Variants in MYO15A observed in about 807,000 individuals in gnomAD.
The protein encoded by MYO15A is myosin XVA.
In MYO15A, 308 loss-of-function variants were observed where a neutral mutation model predicts 394.6. The ratio of observed to expected loss-of-function variants is 0.78; its 90% CI spans 0.71 to 0.86. The LOEUF is 0.86. Among genes scored for constraint, MYO15A ranks in the 40% least tolerant of loss-of-function variants. The pLI, the probability that MYO15A is intolerant of heterozygous loss-of-function variation, is 0.00. For synonymous variants in MYO15A, 1,957 were observed against 2,003.8 expected (o/e 0.98, Z 0.62); for missense variants, 4,606 against 4,799.1 (o/e 0.96, Z 1.19).
Position 18,131,347 on chromosome 17 carries a change from G to GT in MYO15A, c.4142+7dup. On this transcript the variant is annotated splice_donor_region_variant and intron_variant, in intron 9 of 65. Coordinates refer to ENST00000647165, the MANE Select transcript of MYO15A (RefSeq NM_016239.4). ...TGTGGAAATCTTTCTGGAAGGGTGA[G>GT]TTGGGACAGTGGAGGGCCTCCCAAA... 1 of 1,614,044 alleles carries GT rather than the reference G, an allele frequency of 6.2e-7. No individual in the cohort carries two copies. The highest frequency in any genetic ancestry group is 1.1e-5 in the South Asian group (1 of 91,090).
chr17:18,131,195 C>A, intron 8 of MYO15A, 44 bp from the exon 9 acceptor site: 4 of 1,547,572 alleles, frequency 2.6e-6, no homozygotes, highest in Non-Finnish European at 2.7e-6. Context: ...GCCCCCAGAA[C>A]AGTGCCTAGC....
chr17:18,154,317 G>A, intron 44 of MYO15A, 127 bp downstream of exon 44: 1 of 1,131,546 alleles, frequency 8.8e-7, no homozygotes, highest in Non-Finnish European at 1.3e-6. Flanking sequence ...GTGAGGATGG[G>A]CAGCTGTTTT....
At position 18,120,474 on chromosome 17, in the gene MYO15A, C is replaced by A; in HGVS notation, c.1674C>A (p.Gly558=). The A allele has an allele frequency of 6.3e-7, 1 of 1,575,298 alleles. No individual in the cohort carries two copies. Among genetic ancestry groups the A allele is most frequent in the Non-Finnish European group, 8.6e-7 (1 of 1,164,296 alleles). The part of the protein sequence containing the change: ...AFGAHRGLGF[G]PEFGRPVPRP... ...GCGCCCACCGGGGCCTGGGCTTCGG[C>A]CCTGAGTTTGGCCGCCCCGTGCCTC... The change falls in exon 2 of 66, where the codon GGC becomes GGA. Residue 558 remains glycine (G), a synonymous_variant. Transcript: ENST00000647165.
At chr17:18,115,925 C>T (rs2045778010) in intron 1 of MYO15A, among the ~76,000 whole-genome samples, 2 of 152,236 alleles carry the variant, frequency 1.3e-5, no homozygotes, top group South Asian at 4.1e-4. Context: ...CCTTCCACGG[C>T]ACTTACGCCC....
intron 42 of MYO15A, 40 bp downstream of exon 42, chr17:18,152,224 T>C: frequency 6.5e-7 from 1 of 1,534,754 alleles, no homozygotes; most frequent in South Asian, 1.2e-5. Flanking sequence ...GGTGTCCAAG[T>C]ATATGAGGAA....
In MYO15A at chr17:18,148,180, A is replaced by C; in HGVS notation, c.6661A>C (p.Ser2221Arg). The C allele has an allele frequency of 1.2e-6, 2 of 1,613,794 alleles. No individual in the cohort carries two copies. Among genetic ancestry groups the C allele is most frequent in the Middle Eastern group, 1.6e-4 (1 of 6,062 alleles). ...GTGGACAGCGACCTATGAGAAGGCCAGCATGGCGCTGGACGTGGGCTGCTT... is the reference window on the plus strand; with the variant it reads ...GTGGACAGCGACCTATGAGAAGGCCCGCATGGCGCTGGACGTGGGCTGCTT... ...LEWTATYEKA[S>R]MALDVGCFNG... The change falls in exon 31 of 66, where the codon AGC (serine) becomes CGC (arginine). Residue 2221 changes from serine to arginine, a missense_variant. Coordinates refer to ENST00000647165, the MANE Select transcript of MYO15A (RefSeq NM_016239.4). The surrounding 1 kb of genome is among the most constrained non-coding windows in gnomAD (Gnocchi z 4.8).
intron 56 of MYO15A, chr17:18,161,015 G>C: frequency 2.0e-6 from 1 of 498,242 alleles, no homozygotes; most frequent in Non-Finnish European, 3.7e-6. Context: ...TTTCCCAGAA[G>C]CCTCCCTAGA....
In MYO15A at chr17:18,153,750, ACTCCCTGATCCCCGCGCT is replaced by A; in HGVS notation, c.7967-20_7967-3del. The A allele has an allele frequency of 6.2e-7, 1 of 1,612,202 alleles. No homozygotes were observed. The highest frequency in any genetic ancestry group is 8.5e-7 in the Non-Finnish European group (1 of 1,179,630). ...TAAAAAAACGAGGTGCCTTCTCCTGACTCCCTGATCCCCGCGCTCTCCAGCTCTGCCCTCGCGATCGCT... is the reference window on the plus strand; with the variant it reads ...TAAAAAAACGAGGTGCCTTCTCCTGACTCCAGCTCTGCCCTCGCGATCGCT... On this transcript the variant is annotated splice_region_variant and splice_polypyrimidine_tract_variant and intron_variant, in intron 42 of 65. Coordinates refer to ENST00000647165, the MANE Select transcript of MYO15A (RefSeq NM_016239.4). This position sits in a 1 kb window ranked among gnomAD's most constrained non-coding sequence, Gnocchi z 4.1.
At chr17:18,161,142 A>C (rs1432025175) in intron 56 of MYO15A, 175 bp from the exon 57 acceptor site, 1 of 1,033,170 alleles carries the variant, frequency 9.7e-7, no homozygotes, top group Non-Finnish European at 1.5e-6. Context: ...CCCTATCCCC[A>C]ATCCTGACTT....
chr17:18,141,130 G>A lies in MYO15A; in HGVS notation c.5518G>A (p.Gly1840Arg). The change falls in exon 22 of 66, where the codon GGG becomes AGG. Residue 1840 changes from glycine to arginine, a missense_variant. Physicochemically the swap from Gly to Arg is moderately radical, Grantham distance 125. Around this residue, in one of 2 missense-constraint regions of MYO15A, gnomAD observed 2,776 missense variants for 3,109.3 expected, o/e 0.89. Transcript: ENST00000647165. ...ATTTCCAGTGCGCCTGCCTTTCCAGGGGTTCATCGACAGGTATCTTGGTTA... is the reference window on the plus strand; with the variant it reads ...ATTTCCAGTGCGCCTGCCTTTCCAGAGGTTCATCGACAGGTATCTTGGTTA... Reference protein sequence around the residue: ...EGFPVRLPFQGFIDRYCCLVA... With the variant: ...EGFPVRLPFQRFIDRYCCLVA... 1 of 1,613,742 alleles carries A rather than the reference G, an allele frequency of 6.2e-7. No individual in the cohort carries two copies. Among genetic ancestry groups the A allele is most frequent in the Non-Finnish European group, 8.5e-7 (1 of 1,180,026 alleles).
chr17:18,130,903 C>T (rs1450654403), intron 8 of MYO15A, 93 bp downstream of exon 8: 2 of 1,343,340 alleles, frequency 1.5e-6, no homozygotes, highest in East Asian at 2.4e-5. Context: ...GATGTGCCTG[C>T]TCCTGTGTGG....
chr17:18,115,670 C>T (rs772698896), intron 1 of MYO15A, among the ~76,000 whole-genome samples: 1 of 152,180 alleles, frequency 6.6e-6, no homozygotes, highest in Non-Finnish European at 1.5e-5. Flanking sequence ...AAACCCTCCT[C>T]CCACGGCTCC....
chr17:18,136,272 G>A, intron 13 of MYO15A, 145 bp from the exon 14 acceptor site: 1 of 976,550 alleles, frequency 1.0e-6, no homozygotes, highest in Non-Finnish European at 1.6e-6. Context: ...TGGGGGCAGG[G>A]GTGGTCCTGC....
At chr17:18,125,521 CCT>C in intron 4 of MYO15A, 1 of 407,204 alleles carries the variant, frequency 2.5e-6, no homozygotes, top group South Asian at 2.4e-5. Flanking sequence ...GGTGAAACCC[CCT>C]CTCTACTAAA....
Position 18,171,745 on chromosome 17 carries a change from C to T in MYO15A, c.10190C>T (p.Pro3397Leu). 6.2e-7 allele frequency: 1 copy of T among 1,611,454 alleles called. No individual in the cohort carries two copies. Among genetic ancestry groups the T allele is most frequent in the Non-Finnish European group, 8.5e-7 (1 of 1,179,924 alleles). ...QHRQQTQALS[P>L]HQARAQFLGL... ...CGGCAGCAGACACAGGCGCTCAGCC[C>T]CCACCAGGCCCGTGCCCAGTTTCTG... Residue 3397 changes from proline to leucine, a missense_variant, in exon 63 of 66, where the codon CCC becomes CTC. Physicochemically the swap from Pro to Leu is moderately conservative, Grantham distance 98. This residue lies in a region of MYO15A where 2,776 missense variants were observed against 3,109.3 expected (regional missense o/e 0.89). Transcript: ENST00000647165.
chr17:18,137,207 G>T (rs777725507), intron 15 of MYO15A, among the ~76,000 whole-genome samples: 3 of 152,250 alleles, frequency 2.0e-5, no homozygotes, highest in African/African-American at 7.2e-5. Flanking sequence ...TATGTGCCAG[G>T]TGCTGTTTAA....
chr17:18,138,713 C>T (rs2046324122), intron 17 of MYO15A, 98 bp from the exon 18 acceptor site: 1 of 1,503,166 alleles, frequency 6.7e-7, no homozygotes, highest in Admixed American at 1.8e-5. Flanking sequence ...CTCTCTGGTG[C>T]TCAGTTGGGA....
chr17:18,153,870 C>T lies in MYO15A; in HGVS notation c.8062C>T (p.Pro2688Ser). Residue 2688 changes from proline (P) to serine (S), a missense_variant, in exon 43 of 66, where the codon CCC becomes TCC. Transcript: ENST00000647165. The surrounding 1 kb of genome is among the most constrained non-coding windows in gnomAD (Gnocchi z 4.1). The stretch of plus-strand genomic sequence containing the variant: ...CAACTTCTACGGCTATCAGGACGCC[C>T]CCTGGAAGATCTTCCTGCGCAAAGA... ...NPNFYGYQDA[P>S]WKIFLRKEVF... The T allele has an allele frequency of 1.2e-6, 2 of 1,613,710 alleles. No individual in the cohort carries two copies. The highest frequency in any genetic ancestry group is 1.7e-6 in the Non-Finnish European group (2 of 1,180,030).
rs761943694 is a variant in MYO15A, at chr17:18,163,757, G to A, written c.9706G>A (p.Val3236Met). The change falls in exon 60 of 66, where the codon GTG becomes ATG. Residue 3236 changes from valine to methionine, a missense_variant. By Grantham distance (21) the Val-to-Met change is conservative. Around this residue, in one of 2 missense-constraint regions of MYO15A, gnomAD observed 2,776 missense variants for 3,109.3 expected, o/e 0.89. Coordinates refer to ENST00000647165, the MANE Select transcript of MYO15A (RefSeq NM_016239.4). ...IKTCTVALDV[V>M]EEICAEMALT... ...CCACCCCCAGGTGGCCCTGGACGTG[G>A]TGGAAGAGATATGTGCTGAGATGGC... 9.9e-6 allele frequency: 16 copies of A among 1,613,562 alleles called. No individual in the cohort carries two copies. The highest frequency in any genetic ancestry group is 8.8e-5 in the South Asian group (8 of 90,892).
Sources: allele counts gnomAD v4.1 joint callset (sites outside exome capture counted in the v4.1 genomes callset), GRCh38; gene constraint gnomAD v4.1.1; regional missense constraint gnomAD v4.1.1; non-coding constraint Gnocchi (gnomAD v3.1); transcripts MANE v1.5; gene names NCBI Gene and HGNC (gene_info 2026-07-23, HGNC 2026-07-21).